Variants in DLG1 observed in about 807,000 individuals in gnomAD.
DLG1 encodes discs large MAGUK scaffold protein 1, also known as disks large homolog 1.
In DLG1, 42 loss-of-function variants were observed where a neutral mutation model predicts 123.4. That is an observed-to-expected ratio of 0.34 (90% confidence interval 0.27 to 0.44). The LOEUF (loss-of-function observed/expected upper bound fraction) is 0.44. Ranked by LOEUF, DLG1 falls within the 20% of genes least tolerant of loss-of-function variation. The pLI is 1.00. For synonymous variants in DLG1, 317 were observed against 356.2 expected (o/e 0.89, Z 1.24); for missense variants, 942 against 1,082.6 (o/e 0.87, Z 1.82).
chr3:197,115,927 C>T lies in DLG1; in HGVS notation c.1443G>A (p.Ser481=). The change falls in exon 13 of 25, where the codon TCG becomes TCA. Residue 481 remains serine, a splice_region_variant and synonymous_variant. Coordinates refer to ENST00000667157, the MANE Select transcript of DLG1 (RefSeq NM_001366207.1). ...GELRKGDRII[S]VNSVDLRAAS... ...CGTGATCTTGACTAACGTGTCTTAC[C>T]GATATAATACGATCTCCTTTTCTGA... 2.5e-6 allele frequency: 4 copies of T among 1,609,328 alleles called. No homozygotes were observed. The highest frequency in any genetic ancestry group is 2.2e-5 in the East Asian group (1 of 44,574).
At chr3:197,089,265 T>C (rs1432277996) in intron 15 of DLG1, among the ~76,000 whole-genome samples, 3 of 152,144 alleles carry the variant, frequency 2.0e-5, no homozygotes, top group Admixed American at 1.3e-4. Context: ...CAGTGGCTCA[T>C]GCCTGTAATG....
At position 197,132,588 on chromosome 3, in the gene DLG1, G is replaced by A. The variant is rs140682501; in HGVS notation, c.1021-1917C>T. On this transcript the variant is annotated intron_variant, in intron 10 of 24. Transcript: ENST00000667157. ...ATTTTGAAATACATATTAAATAGCT[G>A]TGGCATACTGCTGAAATACACATTA... 9.5e-3 allele frequency among the ~76,000 whole-genome samples: 1,437 copies of A among 151,692 alleles called. 17 individuals carry two copies. The highest frequency in any genetic ancestry group is 0.023 in the African/African-American group (929 of 41,288).
At chr3:197,112,100 G>A (rs76199142) in intron 13 of DLG1, among the ~76,000 whole-genome samples, 6,483 of 152,300 alleles carry the variant, frequency 0.043, 185 homozygotes, top group Non-Finnish European at 0.054. Context: ...ACGTCCACTA[G>A]TAGTGAATGA....
chr3:197,081,070 G>C lies in DLG1; in HGVS notation c.1886C>G (p.Ser629Cys), dbSNP rs773970168. The change falls in exon 17 of 25, where the codon TCT (serine) becomes TGT (cysteine). Residue 629 changes from serine to cysteine, a missense_variant. Ser to Cys is a moderately radical substitution (Grantham distance 112). Coordinates refer to ENST00000667157, the MANE Select transcript of DLG1 (RefSeq NM_001366207.1). ...RARLKTVKFN[S>C]KTRDKGQSFN... ...ACTCACCCCTTTATCTCTCGTTTTAGAATTGAATTTCACTGTTTTTAATCG... is the reference window on the plus strand; with the variant it reads ...ACTCACCCCTTTATCTCTCGTTTTACAATTGAATTTCACTGTTTTTAATCG... The C allele has an allele frequency of 6.8e-6, 11 of 1,613,236 alleles. No homozygotes were observed. Among genetic ancestry groups the C allele is most frequent in the Non-Finnish European group, 9.3e-6 (11 of 1,179,530 alleles).
chr3:197,115,392 A>T (rs1393636575), intron 13 of DLG1, among the ~76,000 whole-genome samples: 2 of 152,118 alleles, frequency 1.3e-5, no homozygotes, highest in Non-Finnish European at 2.9e-5. Flanking sequence ...AATCAGCCAC[A>T]TTAATAGCAG....
At chr3:197,258,398 T>C (rs1244995355) in intron 4 of DLG1, among the ~76,000 whole-genome samples, 1 of 138,912 alleles carries the variant, frequency 7.2e-6, no homozygotes, top group Non-Finnish European at 1.5e-5. Flanking sequence ...TAAAGTCAGA[T>C]TCTTCATTGT....
intron 18 of DLG1, chr3:197,069,891 G>A (rs1168586976): frequency 6.6e-6 from 1 of 152,204 alleles, no homozygotes; most frequent in Non-Finnish European, 1.5e-5. Context: ...TGTCTCAGCT[G>A]GAAGGGAAGG....
rs139789027 is a variant in DLG1, at chr3:197,090,986, C to G, written c.1587G>C (p.Glu529Asp). The G allele has an allele frequency of 1.7e-5, 28 of 1,612,136 alleles. No individual in the cohort carries two copies. Among genetic ancestry groups the G allele is most frequent in the Non-Finnish European group, 2.0e-5 (24 of 1,178,794 alleles). Residue 529 changes from glutamate to aspartate, a missense_variant, in exon 15 of 25, where the codon GAG becomes GAC. Physicochemically the swap from Glu to Asp is conservative, Grantham distance 45. Coordinates refer to ENST00000667157, the MANE Select transcript of DLG1 (RefSeq NM_001366207.1). ...RFEAKIHDLR[E>D]QMMNSSISSG... ...AACTAATACTACTATTCATCATCTGCTCCCGTAAATCATGTATTTTAGCTT... is the reference window on the plus strand; with the variant it reads ...AACTAATACTACTATTCATCATCTGGTCCCGTAAATCATGTATTTTAGCTT...
intron 4 of DLG1, among the ~76,000 whole-genome samples, chr3:197,281,239 A>G (rs1435148314): frequency 6.6e-6 from 1 of 152,132 alleles, no homozygotes; most frequent in African/African-American, 2.4e-5. Context: ...TGGTTTCACC[A>G]TGTTGGCCAG....
At chr3:197,145,822 T>C (rs1006055658) in intron 6 of DLG1, among the ~76,000 whole-genome samples, 3 of 143,256 alleles carry the variant, frequency 2.1e-5, no homozygotes, top group African/African-American at 7.7e-5. Flanking sequence ...ATTAGCCAGG[T>C]GTGGTGGTGC....
intron 19 of DLG1, among the ~76,000 whole-genome samples, chr3:197,067,217 T>C (rs1424066791): frequency 1.3e-5 from 2 of 152,088 alleles, no homozygotes; most frequent in African/African-American, 4.8e-5. Context: ...AATAATTACA[T>C]CTTAAAATTA....
At chr3:197,274,361 TA>T (rs1249541418) in intron 4 of DLG1, among the ~76,000 whole-genome samples, 1 of 152,192 alleles carries the variant, frequency 6.6e-6, no homozygotes. Flanking sequence ...GTCTCTTCGA[TA>T]AATGGTGCTG....
chr3:197,130,790 G>A (rs995650996), intron 10 of DLG1, 119 bp from the exon 11 acceptor site: 9 of 723,430 alleles, frequency 1.2e-5, no homozygotes, highest in East Asian at 8.3e-5. Flanking sequence ...AAGGTATGCC[G>A]AAAGAAAATA....
At chr3:197,158,715 A>G (rs1797547651) in intron 5 of DLG1, among the ~76,000 whole-genome samples, 1 of 150,536 alleles carries the variant, frequency 6.6e-6, no homozygotes, top group South Asian at 2.1e-4. Flanking sequence ...TTACTCTCAC[A>G]TTATGCGGGA....
At chr3:197,073,349 C>T (rs1745250883) in intron 18 of DLG1, among the ~76,000 whole-genome samples, 2 of 152,090 alleles carry the variant, frequency 1.3e-5, no homozygotes, top group Admixed American at 6.5e-5. Flanking sequence ...TAAGAACAAA[C>T]CTTGTCTCAA....
chr3:197,218,262 A>G (rs1324226550), intron 4 of DLG1, among the ~76,000 whole-genome samples: 2 of 152,220 alleles, frequency 1.3e-5, no homozygotes, highest in Admixed American at 6.5e-5. Context: ...TTACATTTCA[A>G]ATTTGTGAAA....
chr3:197,111,239 A>G (rs1367588156), intron 13 of DLG1, among the ~76,000 whole-genome samples: 1 of 152,190 alleles, frequency 6.6e-6, no homozygotes, highest in Non-Finnish European at 1.5e-5. Flanking sequence ...TCAAGACCAA[A>G]GGGTTTCCAG....
chr3:197,068,383 CAAA>C, intron 19 of DLG1: 1 of 628,782 alleles, frequency 1.6e-6, no homozygotes, highest in Admixed American at 3.1e-5. Context: ...ATTTCCACAC[CAAA>C]AAAAAAATCA....
chr3:197,213,343 A>G (rs1481644567), intron 4 of DLG1, among the ~76,000 whole-genome samples: 1 of 152,202 alleles, frequency 6.6e-6, no homozygotes, highest in Non-Finnish European at 1.5e-5. Flanking sequence ...ATTTATATAA[A>G]ATGTTTGAAA....
Sources: allele counts gnomAD v4.1 joint callset (sites outside exome capture counted in the v4.1 genomes callset), GRCh38; gene constraint gnomAD v4.1.1; transcripts MANE v1.5; gene names NCBI Gene and HGNC (gene_info 2026-07-23, HGNC 2026-07-21).